The following SCHIP1 variants were observed in gnomAD, a reference collection of about 807,000 sequenced individuals.
The protein encoded by SCHIP1 is schwannomin interacting protein 1, also known as schwannomin-interacting protein 1.
SCHIP1 carries 8 observed loss-of-function variants against 29.7 expected under a neutral mutation model. That is an observed-to-expected ratio of 0.27 (90% CI 0.16 to 0.49). The LOEUF is 0.49. Among genes scored for constraint, SCHIP1 ranks in the 20% least tolerant of loss-of-function variants. The probability of loss-of-function intolerance (pLI) is 0.99; values close to 1 mark genes in which losing one functional copy is unlikely to be tolerated. For synonymous variants in SCHIP1, 76 were observed against 94.9 expected (o/e 0.80, Z 1.16); for missense variants, 193 against 294.6 (o/e 0.66, Z 2.52).
chr3:159,616,036 T>C, the SCHIP1 span, among the ~76,000 whole-genome samples: 3 of 152,046 alleles, frequency 2.0e-5, no homozygotes, highest in African/African-American at 7.2e-5. Flanking sequence ...AAACCTAGAG[T>C]TGCTTCTCTT....
the SCHIP1 span, among the ~76,000 whole-genome samples, chr3:159,440,876 C>T: frequency 1.3e-5 from 2 of 152,162 alleles, no homozygotes; most frequent in Non-Finnish European, 2.9e-5. Flanking sequence ...AACTAAAACT[C>T]ACTCTGATGG....
At chr3:159,678,704 C>T in the SCHIP1 span, among the ~76,000 whole-genome samples, 2 of 152,318 alleles carry the variant, frequency 1.3e-5, no homozygotes, top group African/African-American at 4.8e-5. Flanking sequence ...CTCTAAGGAA[C>T]TGCCTGAGTA....
chr3:159,401,469 T>A, the SCHIP1 span: 1 of 548,772 alleles, frequency 1.8e-6, no homozygotes, highest in Admixed American at 6.4e-5. Context: ...GGCACAGGCA[T>A]AATTTTATTT....
the SCHIP1 span, among the ~76,000 whole-genome samples, chr3:159,584,415 T>G: frequency 1.3e-5 from 2 of 152,200 alleles, no homozygotes; most frequent in Admixed American, 6.6e-5. Flanking sequence ...AATTTGTGTT[T>G]GTAACAAAGT....
chr3:159,763,301 G>A, the SCHIP1 span, among the ~76,000 whole-genome samples: 7 of 151,946 alleles, frequency 4.6e-5, no homozygotes, highest in Non-Finnish European at 8.8e-5. Context: ...GTGTGTGAGG[G>A]GAGGGAGGTC....
the SCHIP1 span, among the ~76,000 whole-genome samples, chr3:159,655,237 A>T: frequency 6.6e-6 from 1 of 152,200 alleles, no homozygotes; most frequent in Non-Finnish European, 1.5e-5. Context: ...AGTTGATAAG[A>T]CTTTGGTGTT....
chr3:159,881,088 A>G (rs553782199), intron 2 of SCHIP1, among the ~76,000 whole-genome samples: 1 of 152,304 alleles, frequency 6.6e-6, no homozygotes, highest in Admixed American at 6.5e-5. Flanking sequence ...ACCTAACTGA[A>G]CACATTTTAT....
At chr3:159,273,422 A>G in the SCHIP1 span, 1 of 1,016,810 alleles carries the variant, frequency 9.8e-7, no homozygotes, top group Non-Finnish European at 1.2e-6. Flanking sequence ...AGATGATAGC[A>G]TGAAGTGAAT....
At chr3:159,273,983 G>A in the SCHIP1 span, 1 of 1,529,786 alleles carries the variant, frequency 6.5e-7, no homozygotes, top group African/African-American at 1.4e-5. Flanking sequence ...TTAAATTTAA[G>A]CTGATGGCCT....
At chr3:159,742,834 ATTTTTT>A in the SCHIP1 span, among the ~76,000 whole-genome samples, 7 of 110,816 alleles carry the variant, frequency 6.3e-5, no homozygotes, top group African/African-American at 2.3e-4. Flanking sequence ...CGCCTAGCTA[ATTTTTT>A]TTTTTTTTTT....
At chr3:159,840,201 A>G (rs750590221) in exon 1 of SCHIP1, 10 of 1,535,676 alleles carry the variant, frequency 6.5e-6, no homozygotes, top group Non-Finnish European at 8.7e-6. Context: ...CATCAGGATA[A>G]CTGCTCGTAT....
At chr3:159,751,006 T>A in the SCHIP1 span, among the ~76,000 whole-genome samples, 1 of 152,232 alleles carries the variant, frequency 6.6e-6, no homozygotes, top group Non-Finnish European at 1.5e-5. Context: ...TAAACTTTTT[T>A]TAAAGTATTG....
At chr3:159,796,587 A>AAAAAGTGT in the SCHIP1 span, among the ~76,000 whole-genome samples, 1 of 152,130 alleles carries the variant, frequency 6.6e-6, no homozygotes, top group Non-Finnish European at 1.5e-5. Flanking sequence ...CTGCTTAGCT[A>AAAAAGTGT]CAGCCCCCCT....
the SCHIP1 span, among the ~76,000 whole-genome samples, chr3:159,632,818 A>T: frequency 2.6e-5 from 4 of 152,192 alleles, no homozygotes; most frequent in Non-Finnish European, 5.9e-5. Flanking sequence ...GGATATTTCA[A>T]AAGAAGATAG....
the SCHIP1 span, among the ~76,000 whole-genome samples, chr3:159,428,099 A>G: frequency 6.6e-6 from 1 of 151,966 alleles, no homozygotes; most frequent in Non-Finnish European, 1.5e-5. Context: ...ACCCTAGAAG[A>G]AAACCTAGGC....
the SCHIP1 span, among the ~76,000 whole-genome samples, chr3:159,452,943 G>A: frequency 6.6e-6 from 1 of 152,176 alleles, no homozygotes; most frequent in African/African-American, 2.4e-5. Context: ...ATTTGGCTCA[G>A]CCTAGAAAAC....
chr3:159,404,092 C>A, the SCHIP1 span, among the ~76,000 whole-genome samples: 1 of 152,158 alleles, frequency 6.6e-6, no homozygotes, highest in Non-Finnish European at 1.5e-5. Context: ...AACCTACTGA[C>A]TAAAGAGCCC....
chr3:159,524,391 A>G, the SCHIP1 span, among the ~76,000 whole-genome samples: 1 of 152,220 alleles, frequency 6.6e-6, no homozygotes, highest in African/African-American at 2.4e-5. Flanking sequence ...TATCAAGCCA[A>G]GAATGCCTTG....
the SCHIP1 span, among the ~76,000 whole-genome samples, chr3:159,494,056 A>G: frequency 6.6e-6 from 1 of 152,276 alleles, no homozygotes; most frequent in Non-Finnish European, 1.5e-5. Flanking sequence ...GAAACCAACA[A>G]GAACAAAGAC....
Sources: allele counts gnomAD v4.1 joint callset (sites outside exome capture counted in the v4.1 genomes callset), GRCh38; gene constraint gnomAD v4.1.1; transcripts MANE v1.5; gene names NCBI Gene and HGNC (gene_info 2026-07-23, HGNC 2026-07-21).